The following NEGR1 variants were observed in gnomAD, a reference collection of about 807,000 sequenced individuals.
The protein encoded by NEGR1 is IgLON family member 4.
A neutral mutation model predicts 40.9 loss-of-function variants in NEGR1; 10 were observed. That is an observed-to-expected ratio of 0.24 (90% confidence interval 0.15 to 0.42). The LOEUF (loss-of-function observed/expected upper bound fraction) is 0.42, where lower values mean the gene tolerates loss of function less well. Among genes scored for constraint, NEGR1 ranks in the 10% least tolerant of loss-of-function variants. The pLI, the probability that NEGR1 is intolerant of heterozygous loss-of-function variation, is 1.00. For missense variants in NEGR1, 352 were observed against 438.9 expected, an observed-to-expected ratio of 0.80 and a Z score of 1.77; for synonymous variants, 185 against 166.8, an observed-to-expected ratio of 1.11 and a Z score of -0.84.
intron 6 of NEGR1, among the ~76,000 whole-genome samples, chr1:71,455,306 A>G (rs1646664508): frequency 6.6e-6 from 1 of 152,206 alleles, no homozygotes; most frequent in Non-Finnish European, 1.5e-5. Flanking sequence ...GTCTCTGAAT[A>G]AGTATTAATT....
intron 1 of NEGR1, among the ~76,000 whole-genome samples, chr1:72,092,450 C>CT (rs143022755): frequency 1.3e-5 from 2 of 151,958 alleles, no homozygotes; most frequent in Non-Finnish European, 2.9e-5. Context: ...TATTTATTGA[C>CT]TTTTTTTTCT....
At chr1:71,529,585 C>T (rs900789627) in intron 6 of NEGR1, among the ~76,000 whole-genome samples, 9 of 150,770 alleles carry the variant, frequency 6.0e-5, no homozygotes, top group Non-Finnish European at 1.0e-4. Context: ...AAATACACTT[C>T]GAAGATGATC....
At chr1:72,249,874 C>A (rs1288064150) in intron 1 of NEGR1, among the ~76,000 whole-genome samples, 1 of 152,160 alleles carries the variant, frequency 6.6e-6, no homozygotes, top group African/African-American at 2.4e-5. Context: ...GCACATGACT[C>A]ATTTTTGTTA....
At chr1:71,936,177 T>C (rs1645904062) in intron 1 of NEGR1, among the ~76,000 whole-genome samples, 1 of 152,228 alleles carries the variant, frequency 6.6e-6, no homozygotes, top group African/African-American at 2.4e-5. Flanking sequence ...TATGTTTCAC[T>C]GATAAAACTA....
At chr1:71,746,780 A>G (rs1489058785) in intron 3 of NEGR1, among the ~76,000 whole-genome samples, 3 of 151,938 alleles carry the variant, frequency 2.0e-5, no homozygotes, top group African/African-American at 7.3e-5. Context: ...ACGCACACAC[A>G]CACACACACA....
intron 4 of NEGR1, among the ~76,000 whole-genome samples, chr1:71,690,636 AG>A (rs1482578761): frequency 2.0e-5 from 3 of 146,848 alleles, no homozygotes; most frequent in African/African-American, 7.5e-5. Flanking sequence ...AGAGAGAGAG[AG>A]AGAGAGAGAG....
At chr1:72,034,537 T>A (rs1324411722) in intron 1 of NEGR1, among the ~76,000 whole-genome samples, 1 of 152,194 alleles carries the variant, frequency 6.6e-6, no homozygotes, top group Non-Finnish European at 1.5e-5. Context: ...TGTGATAATA[T>A]AGTAAACAGA....
intron 4 of NEGR1, among the ~76,000 whole-genome samples, chr1:71,679,513 T>C (rs1652760516): frequency 6.6e-6 from 1 of 152,150 alleles, no homozygotes; most frequent in Admixed American, 6.5e-5. Flanking sequence ...TTTCTGATTG[T>C]TACTGGTTTA....
intron 2 of NEGR1, among the ~76,000 whole-genome samples, chr1:71,862,245 T>C (rs533923819): frequency 6.6e-6 from 1 of 152,168 alleles, no homozygotes; most frequent in South Asian, 2.1e-4. Context: ...ATTAAGGACA[T>C]AACTAAAAAG....
intron 2 of NEGR1, among the ~76,000 whole-genome samples, chr1:71,844,683 C>T (rs568501028): frequency 2.4e-4 from 36 of 152,308 alleles, no homozygotes; most frequent in South Asian, 1.0e-3. Flanking sequence ...CAGGATACTA[C>T]GCCTCAGGCT....
In NEGR1 at chr1:71,399,014, C is replaced by CA; in HGVS notation, c.*8431dup. On this transcript the variant is annotated 3_prime_UTR_variant, in exon 7 of 7. Coordinates refer to ENST00000357731, the MANE Select transcript of NEGR1 (RefSeq NM_173808.3). ...CCCCAGCCACATGGAACTGTAGGTCCAAAAAAACCTCTTTCTTTTGCATAT... is the reference window on the plus strand; with the variant it reads ...CCCCAGCCACATGGAACTGTAGGTCCAAAAAAAACCTCTTTCTTTTGCATAT... The CA allele has an allele frequency of 6.6e-6, 1 of 152,268 alleles. No individual in the cohort carries two copies. The highest frequency in any genetic ancestry group is 1.5e-5 in the Non-Finnish European group (1 of 68,260). 9.4% of individuals were successfully genotyped at this position (152,268 alleles called of 1,614,324 possible).
rs527556583 is a variant in NEGR1 at position 71,992,582 on chromosome 1, A to T, written c.177-57271T>A. Among the ~76,000 whole-genome samples, 3 of 152,368 alleles carry T rather than the reference A, an allele frequency of 2.0e-5. No homozygotes were observed. The East Asian group carries it at 5.8e-4, about 29-fold the overall frequency. On this transcript the variant is annotated intron_variant, in intron 1 of 6. Transcript: ENST00000357731. ...TTAAACATGTAATCAATATAAAGTTATTGAGGTATTATGGAACCCTTTTTA... is the reference window on the plus strand; with the variant it reads ...TTAAACATGTAATCAATATAAAGTTTTTGAGGTATTATGGAACCCTTTTTA...
chr1:72,270,402 G>T (rs979802142), intron 1 of NEGR1, among the ~76,000 whole-genome samples: 1 of 151,872 alleles, frequency 6.6e-6, no homozygotes, highest in Admixed American at 6.6e-5. Context: ...AATGTATAGG[G>T]AAAGTTCTTG....
Position 71,550,904 on chromosome 1 carries a change from C to T in NEGR1, c.940+41913G>A, listed in dbSNP as rs547005595. Among the ~76,000 whole-genome samples, 328 of 151,660 alleles carry T rather than the reference C, an allele frequency of 2.2e-3. 1 individual carries two copies. The highest frequency in any genetic ancestry group is 4.0e-3 in the Non-Finnish European group (269 of 67,688). ...TGAGATAAGCCCTACGTATTCACTA[C>T]GTATACATTTAAGTGTATAATGCAT... On this transcript the variant is annotated intron_variant, in intron 6 of 6. Coordinates refer to ENST00000357731, the MANE Select transcript of NEGR1 (RefSeq NM_173808.3).
At chr1:71,774,363 G>T (rs1656430287) in intron 3 of NEGR1, among the ~76,000 whole-genome samples, 1 of 152,170 alleles carries the variant, frequency 6.6e-6, no homozygotes, top group African/African-American at 2.4e-5. Context: ...AGTGGTTCTA[G>T]AGAGTGAAGA....
At chr1:71,488,291 G>C (rs929357511) in intron 6 of NEGR1, 4 of 151,756 alleles carry the variant, frequency 2.6e-5, no homozygotes, top group African/African-American at 9.7e-5. Context: ...CAAAGTAGTA[G>C]TTTCCTTGAT....
At chr1:71,855,285 G>T (rs1380647996) in intron 2 of NEGR1, among the ~76,000 whole-genome samples, 1 of 152,026 alleles carries the variant, frequency 6.6e-6, no homozygotes, top group Non-Finnish European at 1.5e-5. Context: ...TTTCCCTGAT[G>T]AACTATGAGG....
At chr1:71,646,761 T>G (rs1452985180) in intron 4 of NEGR1, among the ~76,000 whole-genome samples, 1 of 151,872 alleles carries the variant, frequency 6.6e-6, no homozygotes, top group East Asian at 1.9e-4. Context: ...GATCTTTTTT[T>G]ATTGCTGCAT....
chr1:72,066,567 T>C (rs1044234783), intron 1 of NEGR1, among the ~76,000 whole-genome samples: 5 of 152,132 alleles, frequency 3.3e-5, no homozygotes, highest in African/African-American at 1.2e-4. Context: ...TAAGGTTAAA[T>C]GAGGTCATAA....
Sources: gnomAD v4.1 joint callset for allele counts (sites outside exome capture counted in the v4.1 genomes callset) on GRCh38, gnomAD v4.1.1 for gene constraint, MANE v1.5 for transcripts, NCBI Gene and HGNC (gene_info 2026-07-23, HGNC 2026-07-21) for gene names.